SHANK2: variants seen among roughly 807,000 people sequenced by gnomAD.
SHANK2 encodes the protein SH3 and multiple ankyrin repeat domains 2, also known as SH3 and multiple ankyrin repeat domains protein 2.
SHANK2 carries 43 observed loss-of-function variants against 133.7 expected under a neutral mutation model. That is an observed-to-expected ratio of 0.32 (90% CI 0.25 to 0.41). SHANK2 has a LOEUF of 0.41. SHANK2 is among the 10% of genes least tolerant of loss of function. The pLI is 1.00. For synonymous variants in SHANK2, 1,017 were observed against 952.8 expected (o/e 1.07, Z -1.24); for missense variants, 1,994 against 2,235.8 (o/e 0.89, Z 2.18).
chr11:70,617,297 G>A (rs2063681962), intron 17 of SHANK2, among the ~76,000 whole-genome samples: 1 of 145,220 alleles, frequency 6.9e-6, no homozygotes, highest in Non-Finnish European at 1.6e-5. Context: ...GTCAGTGCCT[G>A]AGAGAGTATG....
At chr11:70,501,896 CT>C in intron 20 of SHANK2, 26 bp downstream of exon 20, 1 of 1,558,474 alleles carries the variant, frequency 6.4e-7, no homozygotes, top group Non-Finnish European at 8.7e-7. Context: ...GGGGGAGCTG[CT>C]TTGGGGACCC....
chr11:71,066,117 A>AG (rs1951056002), intron 9 of SHANK2, among the ~76,000 whole-genome samples: 1 of 3,108 alleles, frequency 3.2e-4, no homozygotes. Context: ...GAACTCTCCC[A>AG]GGGAGATGAG....
intron 2 of SHANK2, among the ~76,000 whole-genome samples, chr11:71,171,998 G>A (rs1213237454): frequency 6.6e-6 from 1 of 152,214 alleles, no homozygotes; most frequent in East Asian, 1.9e-4. Context: ...CCTCCTTGGG[G>A]CAGCAGCAGT....
chr11:71,138,339 T>C (rs528025991), intron 3 of SHANK2, among the ~76,000 whole-genome samples: 2 of 152,252 alleles, frequency 1.3e-5, no homozygotes, highest in East Asian at 1.9e-4. Context: ...CCAGCACAGG[T>C]AGAGTCCTCC....
intron 13 of SHANK2, among the ~76,000 whole-genome samples, chr11:70,799,002 C>T (rs535275991): frequency 9.2e-5 from 14 of 152,300 alleles, no homozygotes; most frequent in African/African-American, 2.4e-4. Flanking sequence ...CGTACCTTCC[C>T]CTCCTAAGCT....
intron 11 of SHANK2, among the ~76,000 whole-genome samples, chr11:70,821,321 T>G (rs1948517407): frequency 6.6e-6 from 1 of 152,172 alleles, no homozygotes; most frequent in Admixed American, 6.5e-5. Flanking sequence ...AGGTGGCACC[T>G]GCAAGCCATC....
intron 17 of SHANK2, among the ~76,000 whole-genome samples, chr11:70,584,145 TG>T (rs1464123149): frequency 1.3e-5 from 2 of 152,192 alleles, no homozygotes; most frequent in Non-Finnish European, 2.9e-5. Flanking sequence ...TGCCCTTGGT[TG>T]GCCCCTGATG....
chr11:71,206,869 A>C (rs913353190), intron 2 of SHANK2, among the ~76,000 whole-genome samples: 4 of 152,080 alleles, frequency 2.6e-5, no homozygotes, highest in Middle Eastern at 3.2e-3. Flanking sequence ...TGAGGCCAGG[A>C]GTTTGAAACC....
intron 12 of SHANK2, among the ~76,000 whole-genome samples, chr11:70,811,622 C>A (rs1948280769): frequency 6.8e-6 from 1 of 146,948 alleles, no homozygotes; most frequent in Non-Finnish European, 1.5e-5. Flanking sequence ...ATCTACCTAT[C>A]CATCATCCAT....
chr11:70,545,583 C>G (rs568338736), intron 17 of SHANK2, among the ~76,000 whole-genome samples: 1 of 152,244 alleles, frequency 6.6e-6, no homozygotes, highest in African/African-American at 2.4e-5. Flanking sequence ...GGATAATTCA[C>G]GCACACCCTC....
At chr11:70,589,593 T>C (rs1297252133) in intron 17 of SHANK2, among the ~76,000 whole-genome samples, 2 of 150,962 alleles carry the variant, frequency 1.3e-5, no homozygotes, top group African/African-American at 4.9e-5. Flanking sequence ...TCAAGCCTCA[T>C]ATTTAAGAAA....
intron 17 of SHANK2, among the ~76,000 whole-genome samples, chr11:70,589,610 T>C (rs1297265092): frequency 2.6e-5 from 4 of 152,212 alleles, no homozygotes; most frequent in Non-Finnish European, 5.9e-5. Context: ...GAAACACATT[T>C]TGTAAGGCTA....
At chr11:70,917,065 AGT>A (rs1164498021) in intron 10 of SHANK2, among the ~76,000 whole-genome samples, 5 of 152,084 alleles carry the variant, frequency 3.3e-5, no homozygotes, top group African/African-American at 4.8e-5. Flanking sequence ...GCAGCAGGGC[AGT>A]GAGCTGCTTC....
At chr11:70,528,499 A>G (rs2059426751) in intron 17 of SHANK2, among the ~76,000 whole-genome samples, 1 of 151,998 alleles carries the variant, frequency 6.6e-6, no homozygotes, top group South Asian at 2.1e-4. Context: ...TTTCCCGTTT[A>G]CTGCGCAGTG....
intron 1 of SHANK2, among the ~76,000 whole-genome samples, chr11:71,228,303 C>G (rs1555122544): frequency 1.3e-5 from 2 of 152,080 alleles, no homozygotes; most frequent in East Asian, 3.8e-4. Flanking sequence ...ATCTTTAGAC[C>G]TAAATGAGTT....
chr11:70,776,056 CAG>C (rs1338983845), intron 14 of SHANK2, among the ~76,000 whole-genome samples: 31 of 152,368 alleles, frequency 2.0e-4, no homozygotes, highest in Middle Eastern at 3.4e-3. Context: ...CCTGGCTGAC[CAG>C]ACCCAGACTT....
intron 15 of SHANK2, among the ~76,000 whole-genome samples, chr11:70,675,945 T>C (rs1428692007): frequency 6.6e-6 from 1 of 152,204 alleles, no homozygotes; most frequent in Admixed American, 6.5e-5. Flanking sequence ...CTCAATGAAC[T>C]GGCAATGTGT....
chr11:70,579,819 G>A (rs1352002597), intron 17 of SHANK2, among the ~76,000 whole-genome samples: 6 of 152,260 alleles, frequency 3.9e-5, no homozygotes, highest in African/African-American at 1.4e-4. Flanking sequence ...CTGATAAGTG[G>A]AGGAGGAGCC....
intron 17 of SHANK2, among the ~76,000 whole-genome samples, chr11:70,554,969 T>C (rs1554979169): frequency 1.3e-5 from 2 of 150,528 alleles, no homozygotes; most frequent in African/African-American, 4.9e-5. Context: ...TCAGCACCAT[T>C]TTCCCAACAG....
Sources: allele counts gnomAD v4.1 joint callset (sites outside exome capture counted in the v4.1 genomes callset), GRCh38; gene constraint gnomAD v4.1.1; transcripts MANE v1.5; gene names NCBI Gene and HGNC (gene_info 2026-07-23, HGNC 2026-07-21).